Variants in CHN2 observed in about 807,000 individuals in gnomAD.
CHN2 encodes beta-chimaerin.
Under a neutral mutation model 56.3 loss-of-function variants are expected in CHN2, and 35 were observed. The observed-to-expected ratio is 0.62, with a 90% CI of 0.47 to 0.82. The LOEUF is 0.82. Ranked by LOEUF, CHN2 falls within the 40% of genes least tolerant of loss-of-function variation. The pLI, the probability that CHN2 is intolerant of heterozygous loss-of-function variation, is 0.00. For synonymous variants in CHN2, 210 were observed against 212.8 expected, an observed-to-expected ratio of 0.99 and a Z score of 0.12; for missense variants, 491 against 580.5, an observed-to-expected ratio of 0.85 and a Z score of 1.58.
At chr7:29,260,796 T>C (rs915655647) in intron 1 of CHN2, among the ~76,000 whole-genome samples, 1 of 152,200 alleles carries the variant, frequency 6.6e-6, no homozygotes, top group African/African-American at 2.4e-5. Context: ...TATGAGGTGG[T>C]GTCTGTGGTA....
chr7:29,195,159 C>A, intron 1 of CHN2, 169 bp downstream of exon 1: 1 of 589,386 alleles, frequency 1.7e-6, no homozygotes, highest in South Asian at 2.8e-5. Context: ...CCTCGGTGCC[C>A]AGAGCACCTC....
At chr7:29,254,660 C>T (rs918122473) in intron 1 of CHN2, among the ~76,000 whole-genome samples, 5 of 152,056 alleles carry the variant, frequency 3.3e-5, no homozygotes, top group Non-Finnish European at 5.9e-5. Context: ...CATTGGTTAC[C>T]GGGGACTGGA....
intron 1 of CHN2, among the ~76,000 whole-genome samples, chr7:29,252,967 A>G (rs1737528373): frequency 6.6e-6 from 1 of 152,174 alleles, no homozygotes; most frequent in Non-Finnish European, 1.5e-5. Context: ...AATATTTTCT[A>G]CAGGACCATC....
chr7:29,420,472 G>A (rs1804223754), intron 6 of CHN2, among the ~76,000 whole-genome samples: 1 of 152,220 alleles, frequency 6.6e-6, no homozygotes, highest in Non-Finnish European at 1.5e-5. Context: ...CCTGTCCTGT[G>A]CTGTAACATG....
intron 9 of CHN2, among the ~76,000 whole-genome samples, chr7:29,504,529 G>C (rs1204812862): frequency 6.6e-6 from 1 of 152,198 alleles, no homozygotes; most frequent in Non-Finnish European, 1.5e-5. Context: ...TTTCCATTGA[G>C]ATCTCCACTG....
chr7:29,231,631 C>T (rs1399409127), intron 1 of CHN2, among the ~76,000 whole-genome samples: 1 of 152,162 alleles, frequency 6.6e-6, no homozygotes, highest in African/African-American at 2.4e-5. Context: ...TAGTACTGCA[C>T]TTTTGGGGGT....
chr7:29,362,823 T>G (rs1798848294), intron 2 of CHN2, among the ~76,000 whole-genome samples: 1 of 152,182 alleles, frequency 6.6e-6, no homozygotes, highest in Non-Finnish European at 1.5e-5. Context: ...TGGCCCACCT[T>G]GGTTTTGTGT....
intron 1 of CHN2, among the ~76,000 whole-genome samples, chr7:29,227,799 A>G: frequency 6.6e-6 from 1 of 152,138 alleles, no homozygotes; most frequent in Non-Finnish European, 1.5e-5. Flanking sequence ...GCTTAAGCCA[A>G]TTGGAATTGG....
chr7:29,352,917 A>T (rs12538858), intron 1 of CHN2, among the ~76,000 whole-genome samples: 36,615 of 152,134 alleles, frequency 0.24, 4,848 homozygotes, highest in Non-Finnish European at 0.3. Flanking sequence ...GTGTCACCTA[A>T]GGGATGAAAT....
chr7:29,299,567 C>A (rs894381508), intron 1 of CHN2, among the ~76,000 whole-genome samples: 1 of 152,068 alleles, frequency 6.6e-6, no homozygotes, highest in African/African-American at 2.4e-5. Context: ...ATGGGGATGT[C>A]ACCTTTGTCA....
intron 1 of CHN2, among the ~76,000 whole-genome samples, chr7:29,319,957 C>T (rs946848555): frequency 1.6e-4 from 24 of 152,140 alleles, no homozygotes; most frequent in Non-Finnish European, 2.5e-4. Context: ...ATTTTCGTGA[C>T]TCTTTACTAG....
chr7:29,493,034 A>G lies in CHN2; in HGVS notation c.655-2918A>G, dbSNP rs932122781. On this transcript the variant is annotated intron_variant, in intron 7 of 12. Transcript: ENST00000222792. ...GTGCTATATAACAATATTTAGGTCAAGAATGAACCACATATATCATGGTGA... is the reference window on the plus strand; with the variant it reads ...GTGCTATATAACAATATTTAGGTCAGGAATGAACCACATATATCATGGTGA... Among the ~76,000 whole-genome samples, 6 of 152,216 alleles carry G rather than the reference A, an allele frequency of 3.9e-5. No homozygotes were observed. The East Asian group carries it at 7.7e-4, about 20-fold the overall frequency.
At chr7:29,316,625 A>T (rs184762805) in intron 1 of CHN2, among the ~76,000 whole-genome samples, 6 of 152,216 alleles carry the variant, frequency 3.9e-5, no homozygotes, top group Admixed American at 3.3e-4. Context: ...TCCATGGCTT[A>T]TACTAAAAGC....
At chr7:29,181,309 C>T (rs1028570819) in intron 2 of CHN2, 2 of 152,172 alleles carry the variant, frequency 1.3e-5, no homozygotes, top group Admixed American at 6.5e-5. Context: ...TGAACTGGGG[C>T]TCCTGGCAGC....
intron 1 of CHN2, among the ~76,000 whole-genome samples, chr7:29,272,275 G>C (rs971521279): frequency 6.6e-6 from 1 of 152,146 alleles, no homozygotes; most frequent in Non-Finnish European, 1.5e-5. Context: ...GCCTACAGAA[G>C]TGCATCTATC....
chr7:29,512,775 A>G lies in CHN2; in HGVS notation c.*40A>G, dbSNP rs1024526946. ...GAGCTGAATGGCCCCAGCACCATCC[A>G]AGTTGACACAGCTAAAGGAATAAAA... On this transcript the variant is annotated 3_prime_UTR_variant, in exon 13 of 13. Transcript: ENST00000222792. 3.8e-6 allele frequency: 6 copies of G among 1,577,912 alleles called. No individual in the cohort carries two copies. The highest frequency in any genetic ancestry group is 5.2e-6 in the Non-Finnish European group (6 of 1,160,692).
intron 1 of CHN2, among the ~76,000 whole-genome samples, chr7:29,212,051 A>C (rs1356003697): frequency 6.6e-6 from 1 of 152,160 alleles, no homozygotes; most frequent in Admixed American, 6.5e-5. Flanking sequence ...GCTTGGCATC[A>C]TTTCATCTGT....
chr7:29,182,320 T>C (rs919966180), intron 2 of CHN2, among the ~76,000 whole-genome samples: 1 of 152,212 alleles, frequency 6.6e-6, no homozygotes, highest in East Asian at 1.9e-4. Context: ...ATTAATCTGA[T>C]AGTGTTCCAC....
chr7:29,192,202 C>T (rs763184052), upstream of CHN2: 1 of 152,318 alleles, frequency 6.6e-6, no homozygotes, highest in Non-Finnish European at 1.5e-5. Flanking sequence ...CTCTTCTGGC[C>T]CCAGGATCCA....
Sources: gnomAD v4.1 joint callset for allele counts (sites outside exome capture counted in the v4.1 genomes callset) on GRCh38, gnomAD v4.1.1 for gene constraint, MANE v1.5 for transcripts, NCBI Gene and HGNC (gene_info 2026-07-23, HGNC 2026-07-21) for gene names.